Variants in WWOX observed in about 807,000 individuals in gnomAD.
WWOX encodes WW domain containing oxidoreductase, also known as WW domain-containing oxidoreductase.
In WWOX, 69 loss-of-function variants were observed where a neutral mutation model predicts 46.2. The observed-to-expected ratio is 1.49, with a 90% CI of 1.23 to 1.82. WWOX has a LOEUF of 1.82. WWOX is among the 40% of genes most tolerant of loss of function. The pLI, the probability that WWOX is intolerant of heterozygous loss-of-function variation, is 0.00. For missense variants in WWOX, 919 were observed against 542.6 expected (o/e 1.69, Z -6.89); for synonymous variants, 359 against 202.6 (o/e 1.77, Z -6.56).
intron 8 of WWOX, among the ~76,000 whole-genome samples, chr16:79,024,817 T>C (rs938776028): frequency 1.3e-5 from 2 of 151,776 alleles, no homozygotes; most frequent in East Asian, 3.9e-4. Context: ...AGCAATCCTC[T>C]CCTCTGCCTC....
intron 8 of WWOX, among the ~76,000 whole-genome samples, chr16:79,025,100 G>A (rs2047611012): frequency 1.4e-5 from 2 of 148,038 alleles, no homozygotes; most frequent in Admixed American, 6.8e-5. Flanking sequence ...GAGCAGTGAA[G>A]AGTCAGGAAG....
At position 78,422,889 on chromosome 16, in the gene WWOX, A is replaced by AT. The variant is rs1237529975; in HGVS notation, c.606-1971dup. ...CACACACACACACACACACACATAT[A>AT]TTTTTTTTTTCTTTTAGATGGAGTG... On this transcript the variant is annotated intron_variant, in intron 6 of 8. Coordinates refer to ENST00000566780, the MANE Select transcript of WWOX (RefSeq NM_016373.4). Among the ~76,000 whole-genome samples the AT allele has an allele frequency of 4.9e-5, 6 of 121,926 alleles. 1 individual carries two copies. Among genetic ancestry groups the AT allele is most frequent in the Non-Finnish European group, 8.1e-5 (5 of 61,490 alleles). The allele number at this position is 121,926 out of a possible 152,430, so 80.0% of individuals were successfully genotyped here. A position where few individuals can be genotyped will look rare whatever the true frequency, so the allele number is the denominator to read the frequency against.
chr16:78,901,962 A>T (rs779436989), intron 8 of WWOX, among the ~76,000 whole-genome samples: 8 of 152,122 alleles, frequency 5.3e-5, no homozygotes, highest in Non-Finnish European at 1.5e-5. Context: ...CCACTCCATT[A>T]TGTGTGTATT....
chr16:78,457,560 C>A (rs1030905209), intron 8 of WWOX, among the ~76,000 whole-genome samples: 1 of 151,924 alleles, frequency 6.6e-6, no homozygotes, highest in African/African-American at 2.4e-5. Context: ...TCTTAACAGC[C>A]GTTTTTATAA....
chr16:78,425,211 T>A (rs1269871949), intron 7 of WWOX, among the ~76,000 whole-genome samples, 156 bp downstream of exon 7: 2 of 152,204 alleles, frequency 1.3e-5, no homozygotes, highest in African/African-American at 2.4e-5. Context: ...GTCTTTTTTG[T>A]TCGCCTGTGA....
At chr16:78,162,453 T>G (rs1266120520) in intron 4 of WWOX, among the ~76,000 whole-genome samples, 3 of 147,976 alleles carry the variant, frequency 2.0e-5, no homozygotes, top group Non-Finnish European at 4.5e-5. Flanking sequence ...TATTTCTGTT[T>G]GCGGCTCACA....
At chr16:78,289,729 A>G (rs977406913) in intron 5 of WWOX, among the ~76,000 whole-genome samples, 1 of 152,232 alleles carries the variant, frequency 6.6e-6, no homozygotes, top group Admixed American at 6.5e-5. Context: ...TGAAAATACA[A>G]CATTGCAGTC....
At chr16:78,958,196 C>G (rs1184562162) in intron 8 of WWOX, among the ~76,000 whole-genome samples, 3 of 152,174 alleles carry the variant, frequency 2.0e-5, no homozygotes, top group African/African-American at 4.8e-5. Flanking sequence ...GCCAGACTAG[C>G]TGACTTAAAC....
intron 8 of WWOX, among the ~76,000 whole-genome samples, chr16:78,953,904 G>A (rs563460367): frequency 1.2e-4 from 18 of 152,224 alleles, no homozygotes; most frequent in African/African-American, 3.4e-4. Context: ...CTTATATTGC[G>A]TTTATTTTTA....
In WWOX at chr16:78,245,818, A is replaced by G. The variant is rs557636450; in HGVS notation, c.516+81529A>G. On this transcript the variant is annotated intron_variant, in intron 5 of 8. Transcript: ENST00000566780. Reference sequence around the variant, plus strand: ...CTTCCTCGACAATAGCTGAGACCCAAGTGCCTGGGCGCTTCCAGGTCATAA... The same window carrying G: ...CTTCCTCGACAATAGCTGAGACCCAGGTGCCTGGGCGCTTCCAGGTCATAA... 1.7e-4 allele frequency among the ~76,000 whole-genome samples: 26 copies of G among 152,328 alleles called. No individual in the cohort carries two copies. The East Asian group carries it at 4.8e-3, about 28-fold the overall frequency.
In WWOX at chr16:79,043,545, A is replaced by G. The variant is rs118063007; in HGVS notation, c.1057-168063A>G. ...GGCATAGCTGGATCCAGGATCCGAC[A>G]GCTTGCATGTGTAGTTAATTTGTTC... is the stretch of plus-strand genomic sequence containing the variant. On this transcript the variant is annotated intron_variant, in intron 8 of 8. Coordinates refer to ENST00000566780, the MANE Select transcript of WWOX (RefSeq NM_016373.4). Among the ~76,000 whole-genome samples the G allele has an allele frequency of 3.2e-3, 487 of 152,352 alleles. 1 individual carries two copies. The highest frequency in any genetic ancestry group is 0.02 in the Middle Eastern group (6 of 294).
intron 7 of WWOX, among the ~76,000 whole-genome samples, chr16:78,425,868 T>G (rs1168715338): frequency 6.6e-6 from 1 of 152,120 alleles, no homozygotes; most frequent in East Asian, 1.9e-4. Flanking sequence ...AAGGGGCCTA[T>G]TTTTTCCTCC....
chr16:78,231,857 G>A (rs2037276325), intron 5 of WWOX, among the ~76,000 whole-genome samples: 1 of 151,580 alleles, frequency 6.6e-6, no homozygotes, highest in Non-Finnish European at 1.5e-5. Context: ...CAGATAGTAA[G>A]TTCTACTAGA....
chr16:78,420,471 T>G (rs950791922), intron 6 of WWOX, among the ~76,000 whole-genome samples: 2 of 152,086 alleles, frequency 1.3e-5, no homozygotes, highest in Non-Finnish European at 2.9e-5. Context: ...TGCTACAACA[T>G]GGATGAACCC....
At chr16:78,501,712 CT>C (rs1197429320) in intron 8 of WWOX, among the ~76,000 whole-genome samples, 1 of 151,942 alleles carries the variant, frequency 6.6e-6, no homozygotes, top group Admixed American at 6.6e-5. Context: ...AATTTTTGTA[CT>C]TTTATTAGAG....
chr16:78,324,870 G>A (rs1417426934), intron 5 of WWOX, among the ~76,000 whole-genome samples: 1 of 152,170 alleles, frequency 6.6e-6, no homozygotes, highest in African/African-American at 2.4e-5. Flanking sequence ...AACTCTAAAT[G>A]TACTAAAAAT....
chr16:78,720,640 C>T (rs186682302), intron 8 of WWOX, among the ~76,000 whole-genome samples: 86 of 152,004 alleles, frequency 5.7e-4, no homozygotes, highest in Non-Finnish European at 1.1e-3. Context: ...CATTCTTGAC[C>T]CTTGAATTGA....
intron 8 of WWOX, among the ~76,000 whole-genome samples, chr16:79,120,785 C>T (rs140926100): frequency 0.015 from 2,296 of 152,242 alleles, 19 homozygotes; most frequent in African/African-American, 0.027. Flanking sequence ...TTGTTTGTTT[C>T]TGAGACACAG....
At chr16:78,176,504 C>G (rs536449287) in intron 5 of WWOX, among the ~76,000 whole-genome samples, 1 of 152,170 alleles carries the variant, frequency 6.6e-6, no homozygotes, top group African/African-American at 2.4e-5. Context: ...TCTAATTGTT[C>G]CGACTACAAT....
Sources: allele counts gnomAD v4.1 joint callset (sites outside exome capture counted in the v4.1 genomes callset), GRCh38; gene constraint gnomAD v4.1.1; transcripts MANE v1.5; gene names NCBI Gene and HGNC (gene_info 2026-07-23, HGNC 2026-07-21).